SLCO1B1: variants seen among roughly 807,000 people sequenced by gnomAD.
The protein encoded by SLCO1B1 is solute carrier organic anion transporter family member 1B1.
A neutral mutation model predicts 70.1 loss-of-function variants in SLCO1B1; 81 were observed. The observed-to-expected ratio is 1.16, with a 90% confidence interval of 0.97 to 1.39. SLCO1B1 has a LOEUF of 1.39. Ranked by LOEUF, SLCO1B1 falls within the 40% of genes most tolerant of loss-of-function variation. The pLI is 0.00. For missense variants in SLCO1B1, 895 were observed against 799.6 expected (o/e 1.12, Z -1.44); for synonymous variants, 283 against 271.5 (o/e 1.04, Z -0.42).
At chr12:21,163,056 A>G (rs1214272621) in intron 2 of SLCO1B1, among the ~76,000 whole-genome samples, 1 of 152,172 alleles carries the variant, frequency 6.6e-6, no homozygotes, top group Non-Finnish European at 1.5e-5. Flanking sequence ...GGAAAATTAG[A>G]AGAATGGCAA....
chr12:21,226,689 A>C (rs1415034869), intron 14 of SLCO1B1, among the ~76,000 whole-genome samples: 1 of 152,166 alleles, frequency 6.6e-6, no homozygotes, highest in Non-Finnish European at 1.5e-5. Flanking sequence ...TACAAACCAC[A>C]TAAAAAGCAA....
intron 2 of SLCO1B1, among the ~76,000 whole-genome samples, chr12:21,149,906 C>T (rs1421061339): frequency 2.6e-5 from 4 of 152,164 alleles, no homozygotes; most frequent in African/African-American, 7.2e-5. Flanking sequence ...TGGTCTAGCT[C>T]AGTGGATCCC....
In SLCO1B1 at chr12:21,137,206, G is replaced by A. The variant is rs559891744; in HGVS notation, c.-61-4308G>A. ...TTCCTCTGGAAGTTTTGTCTCAGAGGAGTACCCGACCGTGTGAGGTGTCAG... is the reference window on the plus strand; with the variant it reads ...TTCCTCTGGAAGTTTTGTCTCAGAGAAGTACCCGACCGTGTGAGGTGTCAG... On this transcript the variant is annotated intron_variant, in intron 1 of 14. Transcript: ENST00000256958. Among the ~76,000 whole-genome samples the A allele has an allele frequency of 9.2e-5, 14 of 152,252 alleles. No individual in the cohort carries two copies. In the East Asian group the frequency reaches 2.5e-3, roughly 27 times the overall value.
chr12:21,142,137 G>T (rs1422592090), intron 2 of SLCO1B1, among the ~76,000 whole-genome samples: 1 of 151,580 alleles, frequency 6.6e-6, no homozygotes, highest in South Asian at 2.1e-4. Flanking sequence ...TGGAACGGAG[G>T]TCTATGATAG....
intron 13 of SLCO1B1, among the ~76,000 whole-genome samples, chr12:21,223,119 G>C (rs1941446261): frequency 6.6e-6 from 1 of 152,054 alleles, no homozygotes; most frequent in Middle Eastern, 3.2e-3. Flanking sequence ...TGGGTTGTTA[G>C]TACTCCTTCT....
chr12:21,203,550 G>A (rs1482904399), intron 10 of SLCO1B1, among the ~76,000 whole-genome samples: 1 of 151,942 alleles, frequency 6.6e-6, no homozygotes, highest in East Asian at 1.9e-4. Flanking sequence ...GATCCCATGA[G>A]GTGTTGGTTT....
chr12:21,139,426 G>A (rs913325376), intron 1 of SLCO1B1, among the ~76,000 whole-genome samples: 3 of 152,046 alleles, frequency 2.0e-5, no homozygotes, highest in Admixed American at 1.3e-4. Context: ...AGGTACACAT[G>A]TATGGGTTTC....
intron 2 of SLCO1B1, among the ~76,000 whole-genome samples, chr12:21,162,091 AAAAT>A (rs1940627014): frequency 6.6e-6 from 1 of 151,766 alleles, no homozygotes; most frequent in Admixed American, 6.6e-5. Context: ...TAAAATCAGA[AAAAT>A]AAGTCATATG....
At chr12:21,214,340 C>G (rs975632107) in intron 11 of SLCO1B1, among the ~76,000 whole-genome samples, 2 of 150,926 alleles carry the variant, frequency 1.3e-5, no homozygotes, top group Admixed American at 6.6e-5. Flanking sequence ...GTCAGTGTGC[C>G]CCTGCTGGGG....
At chr12:21,145,558 A>T (rs1565665141) in intron 2 of SLCO1B1, among the ~76,000 whole-genome samples, 1 of 147,986 alleles carries the variant, frequency 6.8e-6, no homozygotes, top group Non-Finnish European at 1.5e-5. Context: ...GGCTCAAGCA[A>T]TCAGCCCGCC....
chr12:21,134,062 A>G (rs1355925936), intron 1 of SLCO1B1, among the ~76,000 whole-genome samples: 1 of 152,188 alleles, frequency 6.6e-6, no homozygotes, highest in Non-Finnish European at 1.5e-5. Flanking sequence ...AATTTTGTCA[A>G]AGGCCTTTTC....
At chr12:21,169,924 C>T (rs1304033028) in intron 2 of SLCO1B1, among the ~76,000 whole-genome samples, 1 of 152,082 alleles carries the variant, frequency 6.6e-6, no homozygotes, top group Non-Finnish European at 1.5e-5. Flanking sequence ...CCTACTCATG[C>T]TTTTTTTCTA....
In SLCO1B1 at chr12:21,200,594, A is replaced by G; in HGVS notation, c.1057A>G (p.Ile353Val). ...GACGTTGTTACAAGTAAGCAGCTAT[A>G]TTGGTGCTTTTACTTATGTCTTCAA... ...LLTLLQVSSY[I>V]GAFTYVFKYV... The change falls in exon 9 of 15, where the codon ATT (isoleucine) becomes GTT (valine). Residue 353 changes from isoleucine (I) to valine (V), a missense_variant. By Grantham distance (29) the Ile-to-Val change is conservative. Coordinates refer to ENST00000256958, the MANE Select transcript of SLCO1B1 (RefSeq NM_006446.5). 6.2e-7 allele frequency: 1 copy of G among 1,612,112 alleles called. No individual in the cohort carries two copies. The highest frequency in any genetic ancestry group is 8.5e-7 in the Non-Finnish European group (1 of 1,178,784).
chr12:21,210,717 G>T (rs961897504), intron 11 of SLCO1B1, among the ~76,000 whole-genome samples: 4 of 147,944 alleles, frequency 2.7e-5, no homozygotes, highest in African/African-American at 1.0e-4. Flanking sequence ...CCATTTGTTT[G>T]TATCCTCTTT....
At chr12:21,171,691 T>C (rs1940757545) in intron 2 of SLCO1B1, among the ~76,000 whole-genome samples, 1 of 152,102 alleles carries the variant, frequency 6.6e-6, no homozygotes, top group East Asian at 1.9e-4. Context: ...ATAGACTTGG[T>C]GACTTAAACA....
intron 2 of SLCO1B1, among the ~76,000 whole-genome samples, chr12:21,144,823 T>C (rs1269397862): frequency 6.6e-6 from 1 of 152,072 alleles, no homozygotes; most frequent in Admixed American, 6.6e-5. Context: ...CTAAGCTTCA[T>C]AAGTAAAGAA....
chr12:21,197,350 C>CAT lies in SLCO1B1; in HGVS notation c.970+167_970+168dup, dbSNP rs201893911. ...TTTCTAAAACTCCTATTAAAGTTAACATATATGTCTTGAGCACATAACAAG... is the reference window on the plus strand; with the variant it reads ...TTTCTAAAACTCCTATTAAAGTTAACATATATATGTCTTGAGCACATAACAAG... On this transcript the variant is annotated intron_variant, in intron 8 of 14. Transcript: ENST00000256958. Among the ~76,000 whole-genome samples the CAT allele has an allele frequency of 4.4e-4, 67 of 152,142 alleles. 1 individual carries two copies. The highest frequency in any genetic ancestry group is 1.6e-3 in the African/African-American group (67 of 41,538).
intron 10 of SLCO1B1, 109 bp from the exon 11 acceptor site, chr12:21,205,759 T>TG: frequency 1.3e-6 from 1 of 793,336 alleles, no homozygotes; most frequent in Non-Finnish European, 1.9e-6. Context: ...CTTTATCTAC[T>TG]TTTTTTCCCT....
chr12:21,173,417 T>C (rs1420091897), intron 3 of SLCO1B1, among the ~76,000 whole-genome samples: 1 of 152,082 alleles, frequency 6.6e-6, no homozygotes, highest in Non-Finnish European at 1.5e-5. Context: ...ATTTTTTTCT[T>C]CTAAATTTCC....
Sources: allele counts gnomAD v4.1 joint callset (sites outside exome capture counted in the v4.1 genomes callset), GRCh38; gene constraint gnomAD v4.1.1; transcripts MANE v1.5; gene names NCBI Gene and HGNC (gene_info 2026-07-23, HGNC 2026-07-21).